Variants in ETV1 observed in about 807,000 individuals in gnomAD.
ETV1 encodes ETS variant transcription factor 1, also known as ETS translocation variant 1.
In ETV1, 27 loss-of-function variants were observed where a neutral mutation model predicts 62.3. That is an observed-to-expected ratio of 0.43 (90% confidence interval 0.32 to 0.60). ETV1 has a LOEUF of 0.60. ETV1 is among the 20% of genes least tolerant of loss of function. The probability of loss-of-function intolerance (pLI) is 0.06; values close to 1 mark genes in which losing one functional copy is unlikely to be tolerated. For missense variants in ETV1, 605 were observed against 605.8 expected (o/e 1.00, Z 0.01); for synonymous variants, 222 against 199.6 (o/e 1.11, Z -0.94).
chr7:13,924,925 T>A (rs1458352219), intron 9 of ETV1, among the ~76,000 whole-genome samples: 1 of 149,416 alleles, frequency 6.7e-6, no homozygotes, highest in African/African-American at 2.6e-5. Context: ...GAACAACATT[T>A]GCTGTCAAAG....
chr7:13,924,370 T>C (rs187347983), intron 9 of ETV1, among the ~76,000 whole-genome samples: 57 of 152,348 alleles, frequency 3.7e-4, no homozygotes, highest in African/African-American at 1.3e-3. Context: ...AAAGAGCTAT[T>C]ATAAAAGATC....
chr7:13,955,582 G>C (rs1789328296), intron 6 of ETV1, among the ~76,000 whole-genome samples: 1 of 152,122 alleles, frequency 6.6e-6, no homozygotes, highest in South Asian at 2.1e-4. Flanking sequence ...GAAAGCCTTG[G>C]AGAGACTTAA....
intron 12 of ETV1, 118 bp from the exon 13 acceptor site, chr7:13,900,957 T>C: frequency 4.8e-6 from 3 of 619,766 alleles, no homozygotes; most frequent in Non-Finnish European, 8.1e-6. Context: ...AGGATATAAG[T>C]AAAGTAGCAA....
intron 6 of ETV1, among the ~76,000 whole-genome samples, chr7:13,961,196 G>T (rs1333433001): frequency 6.6e-6 from 1 of 152,006 alleles, no homozygotes; most frequent in African/African-American, 2.4e-5. Flanking sequence ...ATATAAGAAT[G>T]ATTGCACTAA....
intron 7 of ETV1, among the ~76,000 whole-genome samples, chr7:13,936,870 G>C (rs901680732): frequency 2.0e-5 from 3 of 151,834 alleles, no homozygotes; most frequent in African/African-American, 7.3e-5. Flanking sequence ...GTGAAACCCC[G>C]TCTCTACTAA....
intron 6 of ETV1, among the ~76,000 whole-genome samples, chr7:13,943,219 G>A (rs374969784): frequency 1.3e-5 from 2 of 152,044 alleles, no homozygotes; most frequent in Admixed American, 6.5e-5. Flanking sequence ...AAAACAAATC[G>A]GAACGACAAC....
chr7:13,907,965 G>T, intron 11 of ETV1: 4 of 348,444 alleles, frequency 1.1e-5, no homozygotes, highest in South Asian at 2.3e-5. Flanking sequence ...TTCAATGACA[G>T]TTTTATTTAT....
At chr7:13,923,670 T>C (rs1284135780) in intron 9 of ETV1, among the ~76,000 whole-genome samples, 2 of 152,154 alleles carry the variant, frequency 1.3e-5, no homozygotes, top group African/African-American at 4.8e-5. Flanking sequence ...ATCAAAGCCC[T>C]AATAGGGTAA....
At chr7:13,909,368 C>G (rs1013970630) in intron 11 of ETV1, among the ~76,000 whole-genome samples, 45 of 152,162 alleles carry the variant, frequency 3.0e-4, no homozygotes, top group African/African-American at 9.9e-4. Flanking sequence ...AAAGCCCCCT[C>G]TTACGCTACA....
At chr7:13,962,180 TACACAC>T (rs113827897) in intron 6 of ETV1, among the ~76,000 whole-genome samples, 1 of 147,760 alleles carries the variant, frequency 6.8e-6, no homozygotes, top group Non-Finnish European at 1.5e-5. Context: ...CAATGTTATG[TACACAC>T]ACACACACAC....
At chr7:13,897,271 G>A (rs990869475) in intron 13 of ETV1, among the ~76,000 whole-genome samples, 2 of 152,130 alleles carry the variant, frequency 1.3e-5, no homozygotes, top group Non-Finnish European at 2.9e-5. Context: ...CCATGTTCCT[G>A]TATATCAACA....
intron 6 of ETV1, among the ~76,000 whole-genome samples, chr7:13,942,248 C>T (rs925364354): frequency 1.4e-4 from 21 of 152,194 alleles, no homozygotes; most frequent in Non-Finnish European, 2.8e-4. Flanking sequence ...TGGTCTCGAT[C>T]TCCTGACCTC....
At chr7:13,900,177 C>T (rs1782266027) in intron 13 of ETV1, among the ~76,000 whole-genome samples, 1 of 152,036 alleles carries the variant, frequency 6.6e-6, no homozygotes, top group Non-Finnish European at 1.5e-5. Context: ...ATGGGAAGCT[C>T]ATTTGAAATA....
At position 13,939,251 on chromosome 7, in the gene ETV1, A is replaced by G; in HGVS notation, c.236-5T>C. 1 of 1,598,204 alleles carries G rather than the reference A, an allele frequency of 6.3e-7. No individual in the cohort carries two copies. On this transcript the variant is annotated splice_region_variant and splice_polypyrimidine_tract_variant and intron_variant, in intron 6 of 13. Coordinates refer to ENST00000430479, the MANE Select transcript of ETV1 (RefSeq NM_004956.5). ...GTGGCAGGCCATGAAAAGCCACTAGAAAAAAGAACAAAAATATCCACAAAA... is the reference window on the plus strand; with the variant it reads ...GTGGCAGGCCATGAAAAGCCACTAGGAAAAAGAACAAAAATATCCACAAAA...
intron 6 of ETV1, among the ~76,000 whole-genome samples, chr7:13,944,056 C>G (rs1583734514): frequency 6.6e-6 from 1 of 152,170 alleles, no homozygotes; most frequent in Admixed American, 6.5e-5. Context: ...GGAATGGCTG[C>G]TAGCATAACA....
chr7:13,921,337 C>T (rs1784824911), intron 9 of ETV1, among the ~76,000 whole-genome samples: 1 of 152,120 alleles, frequency 6.6e-6, no homozygotes, highest in Non-Finnish European at 1.5e-5. Flanking sequence ...TAAAAATATC[C>T]AGAGTTTTTA....
intron 6 of ETV1, among the ~76,000 whole-genome samples, chr7:13,941,884 A>T (rs1298005337): frequency 1.3e-5 from 1 of 74,806 alleles, no homozygotes; most frequent in East Asian, 5.3e-4. Flanking sequence ...TAAATAAATA[A>T]ATAAATAAAT....
In ETV1 at chr7:13,935,869, T is replaced by C. The variant is rs750416988; in HGVS notation, c.393A>G (p.Gly131=). ...GTGTGGGGGGGTTGGAGGGCCTCAT[T>C]CCCACTTGTGGCTTCTGATCATAGG... ...VSAYDQKPQV[G]MRPSNPPTPS... The change falls in exon 8 of 14, where the codon GGA becomes GGG. Residue 131 remains glycine, a synonymous_variant. Coordinates refer to ENST00000430479, the MANE Select transcript of ETV1 (RefSeq NM_004956.5). 1.2e-6 allele frequency: 2 copies of C among 1,613,628 alleles called. No homozygotes were observed. The highest frequency in any genetic ancestry group is 1.1e-5 in the South Asian group (1 of 91,054).
intron 8 of ETV1, among the ~76,000 whole-genome samples, chr7:13,933,563 C>T (rs1412300523): frequency 6.6e-6 from 1 of 152,150 alleles, no homozygotes; most frequent in East Asian, 1.9e-4. Flanking sequence ...AGGGTGCAGG[C>T]CAGTTGGCCG....
Sources: gnomAD v4.1 joint callset for allele counts (sites outside exome capture counted in the v4.1 genomes callset) on GRCh38, gnomAD v4.1.1 for gene constraint, MANE v1.5 for transcripts, NCBI Gene and HGNC (gene_info 2026-07-23, HGNC 2026-07-21) for gene names.